The following JPH3 variants were observed in gnomAD, a reference collection of about 807,000 sequenced individuals.
JPH3 encodes the protein junctophilin-3.
In JPH3, 11 loss-of-function variants were observed where a neutral mutation model predicts 59.6. That is an observed-to-expected ratio of 0.18 (90% confidence interval 0.12 to 0.31). JPH3 has a LOEUF of 0.31. Ranked by LOEUF, JPH3 falls within the 10% of genes least tolerant of loss-of-function variation. The pLI, the probability that JPH3 is intolerant of heterozygous loss-of-function variation, is 1.00. For synonymous variants in JPH3, 673 were observed against 483.6 expected, an observed-to-expected ratio of 1.39 and a Z score of -5.14; for missense variants, 1,202 against 1,105.7, an observed-to-expected ratio of 1.09 and a Z score of -1.24.
chr16:87,617,244 C>G (rs1040607462), intron 1 of JPH3, among the ~76,000 whole-genome samples: 1 of 152,098 alleles, frequency 6.6e-6, no homozygotes, highest in Non-Finnish European at 1.5e-5. Flanking sequence ...AAACAACAAA[C>G]CAAAAAACCA....
intron 1 of JPH3, among the ~76,000 whole-genome samples, chr16:87,613,881 C>T (rs1247533387): frequency 6.6e-6 from 1 of 152,184 alleles, no homozygotes; most frequent in Non-Finnish European, 1.5e-5. Flanking sequence ...ATTTAAAAGA[C>T]AGGAAAGGTG....
intron 2 of JPH3, among the ~76,000 whole-genome samples, chr16:87,677,225 C>CACACAAAAA (rs1271128667): frequency 1.3e-4 from 11 of 81,638 alleles, no homozygotes; most frequent in African/African-American, 4.7e-4. Flanking sequence ...CACACACACA[C>CACACAAAAA]AAAAAAAAAA....
At chr16:87,689,349 G>A (rs116434546) in intron 3 of JPH3, among the ~76,000 whole-genome samples, 2 of 152,286 alleles carry the variant, frequency 1.3e-5, no homozygotes, top group African/African-American at 4.8e-5. Flanking sequence ...GCGTCCTCAC[G>A]CACTTTCCGA....
intron 3 of JPH3, chr16:87,684,589 C>A (rs74039457): frequency 4.0e-5 from 14 of 346,724 alleles, no homozygotes; most frequent in African/African-American, 1.9e-4. Flanking sequence ...CCGCCCTCCC[C>A]CAGTGTTGTT....
chr16:87,696,564 C>T lies in JPH3; in HGVS notation c.2167-16C>T. ...CCCGCAGCTGTCGCTCACCTCTTCC[C>T]CTCGCTCTCTTCCAGGGCTCAGCGC... On this transcript the variant is annotated splice_polypyrimidine_tract_variant and intron_variant, in intron 4 of 4. Transcript: ENST00000284262. 1 of 1,610,964 alleles carries T rather than the reference C, an allele frequency of 6.2e-7. No homozygotes were observed. Among genetic ancestry groups the T allele is most frequent in the Non-Finnish European group, 8.5e-7 (1 of 1,178,598 alleles).
chr16:87,693,375 T>C (rs981960033), intron 4 of JPH3, among the ~76,000 whole-genome samples: 8 of 152,224 alleles, frequency 5.3e-5, no homozygotes, highest in African/African-American at 1.4e-4. Flanking sequence ...GCAAACTTTT[T>C]CTTTAAAAAG....
intron 2 of JPH3, among the ~76,000 whole-genome samples, chr16:87,665,228 C>A (rs1456759366): frequency 2.0e-5 from 3 of 152,178 alleles, no homozygotes; most frequent in African/African-American, 7.2e-5. Flanking sequence ...CATCCGGGAC[C>A]CCTGAGCCGA....
chr16:87,683,986 T>C (rs1009964851), intron 2 of JPH3, 156 bp from the exon 3 acceptor site: 8 of 612,860 alleles, frequency 1.3e-5, no homozygotes, highest in Admixed American at 2.9e-5. Flanking sequence ...AATGAATGAA[T>C]GAACGAACAA....
At chr16:87,608,009 C>T (rs2030589186) in intron 1 of JPH3, among the ~76,000 whole-genome samples, 1 of 152,248 alleles carries the variant, frequency 6.6e-6, no homozygotes, top group Admixed American at 6.5e-5. Flanking sequence ...TGAAGGGCAC[C>T]CCTACCCACG....
At chr16:87,615,205 G>T (rs980055806) in intron 1 of JPH3, among the ~76,000 whole-genome samples, 1 of 152,204 alleles carries the variant, frequency 6.6e-6, no homozygotes, top group Non-Finnish European at 1.5e-5. Context: ...TCCTCCCCGG[G>T]GCCTAAGCGT....
chr16:87,685,891 A>G (rs1038649380), intron 3 of JPH3, among the ~76,000 whole-genome samples: 1 of 152,178 alleles, frequency 6.6e-6, no homozygotes, highest in Non-Finnish European at 1.5e-5. Flanking sequence ...GAAGCTCCCA[A>G]CGTGACTTAT....
chr16:87,623,824 C>T (rs114273400), intron 1 of JPH3, among the ~76,000 whole-genome samples: 3,449 of 152,346 alleles, frequency 0.023, 137 homozygotes, highest in African/African-American at 0.078. Flanking sequence ...ACTGTGGGGT[C>T]CTCCCTGGGG....
At chr16:87,604,635 C>G in intron 1 of JPH3, 1 of 1,185,080 alleles carries the variant, frequency 8.4e-7, no homozygotes, top group Non-Finnish European at 1.1e-6. Context: ...CGTACGTGTG[C>G]TCTAGTCCTC....
intron 4 of JPH3, chr16:87,693,428 C>T (rs2033663760): frequency 6.6e-6 from 1 of 152,300 alleles, no homozygotes; most frequent in African/African-American, 2.4e-5. Context: ...AATCCCAGCA[C>T]TTTGAGAGGC....
chr16:87,695,781 T>C, intron 4 of JPH3: 1 of 456,012 alleles, frequency 2.2e-6, no homozygotes, highest in Middle Eastern at 3.3e-4. Flanking sequence ...CAAGAATCAC[T>C]GCAGAAGGGC....
At chr16:87,688,915 G>A (rs2033485156) in intron 3 of JPH3, among the ~76,000 whole-genome samples, 1 of 152,216 alleles carries the variant, frequency 6.6e-6, no homozygotes, top group African/African-American at 2.4e-5. Flanking sequence ...GGCTCACGGA[G>A]CTCCGGAGAA....
At chr16:87,633,481 C>CA (rs201116071) in intron 1 of JPH3, among the ~76,000 whole-genome samples, 1 of 145,784 alleles carries the variant, frequency 6.9e-6, no homozygotes, top group African/African-American at 2.7e-5. Context: ...CTAAGATTAA[C>CA]CAAAAAAAAA....
intron 3 of JPH3, among the ~76,000 whole-genome samples, chr16:87,688,731 G>A (rs2033479806): frequency 6.6e-6 from 1 of 152,184 alleles, no homozygotes; most frequent in Admixed American, 6.5e-5. Context: ...CCACTGTTCT[G>A]TGCTGAGCCT....
intron 1 of JPH3, among the ~76,000 whole-genome samples, chr16:87,628,941 G>GC (rs1029711855): frequency 2.0e-5 from 3 of 152,178 alleles, no homozygotes; most frequent in African/African-American, 7.2e-5. Context: ...TCTTAGCCTT[G>GC]CCCTGGGTCC....
Sources: gnomAD v4.1 joint callset for allele counts (sites outside exome capture counted in the v4.1 genomes callset) on GRCh38, gnomAD v4.1.1 for gene constraint, MANE v1.5 for transcripts, NCBI Gene and HGNC (gene_info 2026-07-23, HGNC 2026-07-21) for gene names.